The following KDELR1 variants were observed in gnomAD, a reference collection of about 807,000 sequenced individuals.
KDELR1 encodes the protein ER lumen protein-retaining receptor 1.
In KDELR1, 16 loss-of-function variants were observed where a neutral mutation model predicts 25.5. That is an observed-to-expected ratio of 0.63 (90% CI 0.43 to 0.95). The LOEUF is 0.95. Ranked by LOEUF, KDELR1 falls within the 40% of genes least tolerant of loss-of-function variation. The pLI, the probability that KDELR1 is intolerant of heterozygous loss-of-function variation, is 0.00. For synonymous variants in KDELR1, 121 were observed against 115.0 expected (o/e 1.05, Z -0.33); for missense variants, 159 against 265.2 (o/e 0.60, Z 2.78).
Position 48,384,825 on chromosome 19 carries a change from C to A in KDELR1, c.352-343G>T, listed in dbSNP as rs752791801. Among the ~76,000 whole-genome samples, 89 of 152,110 alleles carry A rather than the reference C, an allele frequency of 5.9e-4. No individual in the cohort carries two copies. The highest frequency in any genetic ancestry group is 1.0e-3 in the Non-Finnish European group (70 of 68,012). On this transcript the variant is annotated intron_variant, in intron 3 of 4. Coordinates refer to ENST00000330720, the MANE Select transcript of KDELR1 (RefSeq NM_006801.3). This position sits in a 1 kb window ranked among gnomAD's most constrained non-coding sequence, Gnocchi z 4.6. ...CGTTCTCATGAACACTTTGCAATTG[C>A]GCCTCTCTGAAAGGCAGGCTGGGTT...
chr19:48,383,679 T>A (rs994450325), intron 4 of KDELR1, among the ~76,000 whole-genome samples: 7 of 152,004 alleles, frequency 4.6e-5, no homozygotes, highest in Admixed American at 2.0e-4. Context: ...CTAATTTTTT[T>A]ATTTTTTTAT....
the KDELR1 span, among the ~76,000 whole-genome samples, chr19:48,396,575 G>A: frequency 6.6e-6 from 1 of 151,942 alleles, no homozygotes; most frequent in Non-Finnish European, 1.5e-5. Context: ...TATTCTGAGC[G>A]CTGATTGAGC....
rs180691340 is a variant in KDELR1, at chr19:48,389,104, G to C, written c.351+449C>G. Reference sequence around the variant, plus strand: ...TGGTCAACATGTGAAACCCTGTCTGGACTAAAAATACAAAAATTAGCAGAG... The same window carrying C: ...TGGTCAACATGTGAAACCCTGTCTGCACTAAAAATACAAAAATTAGCAGAG... On this transcript the variant is annotated intron_variant, in intron 3 of 4. Coordinates refer to ENST00000330720, the MANE Select transcript of KDELR1 (RefSeq NM_006801.3). Among the ~76,000 whole-genome samples, 245 of 152,066 alleles carry C rather than the reference G, an allele frequency of 1.6e-3. 1 individual carries two copies. Among genetic ancestry groups the C allele is most frequent in the South Asian group, 3.7e-3 (18 of 4,802 alleles).
At position 48,383,307 on chromosome 19, in the gene KDELR1, T is replaced by G; in HGVS notation, c.625A>C (p.Ser209Arg). 6.4e-7 allele frequency: 1 copy of G among 1,552,140 alleles called. No individual in the cohort carries two copies. Among genetic ancestry groups the G allele is most frequent in the East Asian group, 2.4e-5 (1 of 41,004 alleles). The change falls in exon 5 of 5, where the codon AGT becomes CGT. Residue 209 changes from serine to arginine, a missense_variant. Physicochemically the swap from Ser to Arg is moderately radical, Grantham distance 110. Transcript: ENST00000330720. ...ITKVLKGKKL[S>R]LPA Reference sequence around the variant, plus strand: ...GAGGACCGGGGCTATGCCGGCAAACTCAACTTCTTCCCCTTTAGGACTGTG... The same window carrying G: ...GAGGACCGGGGCTATGCCGGCAAACGCAACTTCTTCCCCTTTAGGACTGTG...
At chr19:48,395,262 C>A (rs1483981942), upstream of KDELR1, among the ~76,000 whole-genome samples, 1 of 151,448 alleles carries the variant, frequency 6.6e-6, no homozygotes, top group Non-Finnish European at 1.5e-5. Flanking sequence ...CTCCCTGTAC[C>A]CCCCTCCCTG....
At chr19:48,388,744 GAAGGAAAGAAGAAAGA>G (rs1407966652) in intron 3 of KDELR1, among the ~76,000 whole-genome samples, 1 of 147,694 alleles carries the variant, frequency 6.8e-6, no homozygotes, top group Non-Finnish European at 1.5e-5. Flanking sequence ...AGGAAGAAAG[GAAGGAAAGAAGAAAGA>G]AAGGAAAGAA....
At chr19:48,390,881 A>G (rs1970543043) in intron 1 of KDELR1, 2 of 426,858 alleles carry the variant, frequency 4.7e-6, no homozygotes, top group Middle Eastern at 6.9e-4. Flanking sequence ...CCTAGGGAGG[A>G]CCTTCCCTGA....
At chr19:48,393,819 G>A (rs1011728355), upstream of KDELR1, among the ~76,000 whole-genome samples, 4 of 152,158 alleles carry the variant, frequency 2.6e-5, no homozygotes, top group Non-Finnish European at 5.9e-5. This position sits in a 1 kb window ranked among gnomAD's most constrained non-coding sequence, Gnocchi z 5.6. Flanking sequence ...TGTTGCCTGG[G>A]TAGGTCGGCC....
Position 48,389,704 on chromosome 19 carries a change from T to A in KDELR1, c.200A>T (p.Tyr67Phe). Reference sequence around the variant, plus strand: ...GACCGTGGTGAAGGAGCAGGCTATGTAGACCACCTGAGGAGGGGGATGATG... The same window carrying A: ...GACCGTGGTGAAGGAGCAGGCTATGAAGACCACCTGAGGAGGGGGATGATG... ...SLYNTCMKVV[Y>F]IACSFTTVWL... Residue 67 changes from tyrosine to phenylalanine, a missense_variant, in exon 3 of 5, where the codon TAC becomes TTC. Tyr to Phe is a conservative substitution (Grantham distance 22). Transcript: ENST00000330720. 6.2e-7 allele frequency: 1 copy of A among 1,613,978 alleles called. No homozygotes were observed. Among genetic ancestry groups the A allele is most frequent in the South Asian group, 1.1e-5 (1 of 91,090 alleles).
Position 48,384,551 on chromosome 19 carries a change from T to G in KDELR1, c.352-69A>C. ...CGGGAGAAAAGGCAGAGGACAACAT[T>G]GCAGTTACAGGTGCCGCGAAGGTGG... On this transcript the variant is annotated intron_variant, in intron 3 of 4. Coordinates refer to ENST00000330720, the MANE Select transcript of KDELR1 (RefSeq NM_006801.3). The surrounding 1 kb of genome is among the most constrained non-coding windows in gnomAD (Gnocchi z 4.6). 2 of 1,546,098 alleles carry G rather than the reference T, an allele frequency of 1.3e-6. No homozygotes were observed. Among genetic ancestry groups the G allele is most frequent in the Non-Finnish European group, 8.8e-7 (1 of 1,140,912 alleles).
chr19:48,394,325 C>G (rs1365152338), upstream of KDELR1, among the ~76,000 whole-genome samples: 1 of 150,974 alleles, frequency 6.6e-6, no homozygotes, highest in Non-Finnish European at 1.5e-5. This position sits in a 1 kb window ranked among gnomAD's most constrained non-coding sequence, Gnocchi z 5.1. Flanking sequence ...AAGGGGGGGT[C>G]TAGAGGTGGC....
intron 2 of KDELR1, 74 bp downstream of exon 2, chr19:48,390,350 G>A: frequency 8.9e-7 from 1 of 1,128,628 alleles, no homozygotes; most frequent in Admixed American, 1.8e-5. Flanking sequence ...TCCTCCCTCA[G>A]ACCTAGGAGT....
chr19:48,392,761 T>C (rs1970574813), upstream of KDELR1, among the ~76,000 whole-genome samples: 1 of 152,094 alleles, frequency 6.6e-6, no homozygotes, highest in Admixed American at 6.6e-5. Context: ...GCTCCAGAGT[T>C]TCTGCCCTGC....
intron 3 of KDELR1, among the ~76,000 whole-genome samples, chr19:48,385,631 G>A (rs2147419953): frequency 6.6e-6 from 1 of 152,304 alleles, no homozygotes; most frequent in East Asian, 1.9e-4. Context: ...CTCCCTGAAA[G>A]TGCCACCTGG....
Position 48,383,153 on chromosome 19 carries a change from G to A in KDELR1, c.*140C>T. ...GACCTGGATCCTCCACTGTCCCCCT[G>A]AAACCCGGCAGGAGGCGGGATGGGG... On this transcript the variant is annotated 3_prime_UTR_variant, in exon 5 of 5. Coordinates refer to ENST00000330720, the MANE Select transcript of KDELR1 (RefSeq NM_006801.3). 1 of 889,122 alleles carries A rather than the reference G, an allele frequency of 1.1e-6. No individual in the cohort carries two copies. Among genetic ancestry groups the A allele is most frequent in the Non-Finnish European group, 1.8e-6 (1 of 562,920 alleles). The allele number at this position is 889,122 out of a possible 1,614,324, so 55.1% of individuals were successfully genotyped here.
intron 3 of KDELR1, among the ~76,000 whole-genome samples, chr19:48,387,291 C>T (rs1970504668): frequency 6.6e-6 from 1 of 152,048 alleles, no homozygotes; most frequent in Non-Finnish European, 1.5e-5. Flanking sequence ...GCCCAGGATT[C>T]CCACCACAGC....
Position 48,384,594 on chromosome 19 carries a change from C to A in KDELR1, c.352-112G>T. 7.5e-7 allele frequency: 1 copy of A among 1,341,086 alleles called. No homozygotes were observed. Among genetic ancestry groups the A allele is most frequent in the East Asian group, 2.5e-5 (1 of 39,594 alleles). The allele number at this position is 1,341,086 out of a possible 1,614,324, so 83.1% of individuals were successfully genotyped here. A position where few individuals can be genotyped will look rare whatever the true frequency, so the allele number is the denominator to read the frequency against. ...GAAGGTGGAGAGAAGGAAGGTGATCCAGGTGCTGCCAAGTGCCAGACACAG... is the reference window on the plus strand; with the variant it reads ...GAAGGTGGAGAGAAGGAAGGTGATCAAGGTGCTGCCAAGTGCCAGACACAG... On this transcript the variant is annotated intron_variant, in intron 3 of 4. Transcript: ENST00000330720. This position sits in a 1 kb window ranked among gnomAD's most constrained non-coding sequence, Gnocchi z 4.6.
upstream of KDELR1, among the ~76,000 whole-genome samples, chr19:48,393,674 AG>A (rs1970591262): frequency 2.0e-5 from 3 of 149,590 alleles, no homozygotes; most frequent in Admixed American, 2.0e-4. This position sits in a 1 kb window ranked among gnomAD's most constrained non-coding sequence, Gnocchi z 5.6. Flanking sequence ...TCGCATCCCG[AG>A]TGAGTGTGTG....
intron 3 of KDELR1, among the ~76,000 whole-genome samples, chr19:48,387,310 G>C (rs949448588): frequency 6.6e-6 from 1 of 152,126 alleles, no homozygotes; most frequent in Admixed American, 6.6e-5. Context: ...GCATGATGCA[G>C]CCTCCCTCTG....
Sources: gnomAD v4.1 joint callset for allele counts (sites outside exome capture counted in the v4.1 genomes callset) on GRCh38, gnomAD v4.1.1 for gene constraint, Gnocchi (gnomAD v3.1) non-coding constraint, MANE v1.5 for transcripts, NCBI Gene and HGNC (gene_info 2026-07-23, HGNC 2026-07-21) for gene names.